Variants in LDOC1 observed in about 807,000 individuals in gnomAD.
LDOC1 encodes LDOC1 regulator of NFKB signaling, also known as protein LDOC1.
In LDOC1, 1 loss-of-function variant was observed where a neutral mutation model predicts 4.9. The observed-to-expected ratio is 0.20, with a 90% CI of 0.07 to 0.96. LDOC1 has a LOEUF of 0.96. Among genes scored for constraint, LDOC1 ranks in the 40% least tolerant of loss-of-function variants. The probability of loss-of-function intolerance (pLI) is 0.62; values close to 1 mark genes in which losing one functional copy is unlikely to be tolerated. For missense variants in LDOC1, 76 were observed against 128.1 expected (o/e 0.59, Z 1.96); for synonymous variants, 55 against 58.3 (o/e 0.94, Z 0.26).
At position 141,173,797 on chromosome X, in the gene LDOC1, C is replaced by T. The variant is rs1279302798; in HGVS notation, c.*2784G>A. Among the ~76,000 whole-genome samples, 2 of 111,907 alleles carry T rather than the reference C, an allele frequency of 1.8e-5. No homozygotes were observed. Among genetic ancestry groups the T allele is most frequent in the Non-Finnish European group, 3.8e-5 (2 of 53,210 alleles). ...ACTGAACCTCCCTTCCTCCACAGAA[C>T]ACCTACTCATATGTCCTCAACTTCC... On this transcript the variant is annotated 3_prime_UTR_variant, in exon 1 of 1. Transcript: ENST00000370526.
Position 141,173,769 on chromosome X carries a change from C to G in LDOC1, c.*2812G>C, listed in dbSNP as rs2013591789. On this transcript the variant is annotated 3_prime_UTR_variant, in exon 1 of 1. Coordinates refer to ENST00000370526, the MANE Select transcript of LDOC1 (RefSeq NM_012317.4). ...TCAGATGCTGCCTTGGCATGGCATC[C>G]TTACTGAACCTCCCTTCCTCCACAG... is the stretch of plus-strand genomic sequence containing the variant. Among the ~76,000 whole-genome samples the G allele has an allele frequency of 8.9e-6, 1 of 111,920 alleles. No individual in the cohort carries two copies. Among genetic ancestry groups the G allele is most frequent in the African/African-American group, 3.2e-5 (1 of 30,785 alleles).
chrX:141,176,803 A>G lies in LDOC1; in HGVS notation c.219T>C (p.Ser73=). The G allele has an allele frequency of 8.3e-7, 1 of 1,211,905 alleles. No homozygotes were observed. Among genetic ancestry groups the G allele is most frequent in the Non-Finnish European group, 1.1e-6 (1 of 895,523 alleles). The change falls in exon 1 of 1, where the codon TCT becomes TCC. Residue 73 remains serine (S), a synonymous_variant. Transcript: ENST00000370526. ...RLPEFIVQTA[S]YMLVNENRFC... is the part of the protein sequence containing the mutation. ...ATCGGTTCTCGTTCACGAGCATGTA[A>G]GACGCCGTCTGCACGATAAACTCGG...
rs1465284547 is a variant in LDOC1 at position 141,174,218 on chromosome X, T to C, written c.*2363A>G. Among the ~76,000 whole-genome samples, 1 of 111,477 alleles carries C rather than the reference T, an allele frequency of 9.0e-6. No homozygotes were observed. The highest frequency in any genetic ancestry group is 1.9e-5 in the Non-Finnish European group (1 of 53,142). On this transcript the variant is annotated 3_prime_UTR_variant, in exon 1 of 1. Transcript: ENST00000370526. ...CAAGGAGACTGGGAGAAGTGATCAA[T>C]GAATTCTAAATAACCAGCTGTCTCC...
rs2013591020 is a variant in LDOC1, at chrX:141,173,636, G to A, written c.*2945C>T. 1 of 111,754 alleles carries A rather than the reference G, an allele frequency of 8.9e-6. No individual in the cohort carries two copies. The highest frequency in any genetic ancestry group is 1.9e-5 in the Non-Finnish European group (1 of 53,217). The allele number at this position is 111,754 out of a possible 1,213,427, so 9.2% of individuals were successfully genotyped here. On this transcript the variant is annotated 3_prime_UTR_variant, in exon 1 of 1. Transcript: ENST00000370526. ...ATCACTTAACACACACACACACAGA[G>A]CACACACATACTGGGTCACAGCAAG...
rs2013591333 is a variant in LDOC1, at chrX:141,173,680, C to T, written c.*2901G>A. On this transcript the variant is annotated 3_prime_UTR_variant, in exon 1 of 1. Transcript: ENST00000370526. ...CAGCAAGCTCATGTGCACATGCACA[C>T]ATACTCAGGAAATGTACACTTCAGA... The T allele has an allele frequency of 8.9e-6, 1 of 112,416 alleles. No homozygotes were observed. Among genetic ancestry groups the T allele is most frequent in the Admixed American group, 9.4e-5 (1 of 10,644 alleles). The allele number at this position is 112,416 out of a possible 1,213,427, so 9.3% of individuals were successfully genotyped here.
Position 141,174,795 on chromosome X carries a change from T to C in LDOC1, c.*1786A>G, listed in dbSNP as rs1890424579. 8.9e-6 allele frequency among the ~76,000 whole-genome samples: 1 copy of C among 112,256 alleles called. No individual in the cohort carries two copies. The highest frequency in any genetic ancestry group is 3.7e-4 in the South Asian group (1 of 2,717). On this transcript the variant is annotated 3_prime_UTR_variant, in exon 1 of 1. Transcript: ENST00000370526. ...ACAGTACGGAAATGTGTTATCTAAA[T>C]TAATTAAAGGTTATAAAGTCAAGTT...
rs376044289 is a variant in LDOC1 at position 141,173,743 on chromosome X, T to C, written c.*2838A>G. 5.3e-4 allele frequency among the ~76,000 whole-genome samples: 59 copies of C among 112,204 alleles called. No individual in the cohort carries two copies. The highest frequency in any genetic ancestry group is 9.3e-3 in the Middle Eastern group (2 of 215). On this transcript the variant is annotated 3_prime_UTR_variant, in exon 1 of 1. Coordinates refer to ENST00000370526, the MANE Select transcript of LDOC1 (RefSeq NM_012317.4). ...CCTGGCCTAGTTCTCCCAGATGCCA[T>C]TCAGATGCTGCCTTGGCATGGCATC...
Position 141,174,362 on chromosome X carries a change from T to A in LDOC1, c.*2219A>T, listed in dbSNP as rs782650883. ...TGTCCCCACCCTCCAGAAACAGCTATCCTAGGGGTGAGATATAACTCCTAC... is the reference window on the plus strand; with the variant it reads ...TGTCCCCACCCTCCAGAAACAGCTAACCTAGGGGTGAGATATAACTCCTAC... On this transcript the variant is annotated 3_prime_UTR_variant, in exon 1 of 1. Coordinates refer to ENST00000370526, the MANE Select transcript of LDOC1 (RefSeq NM_012317.4). 6.0e-4 allele frequency among the ~76,000 whole-genome samples: 67 copies of A among 111,412 alleles called. 1 individual carries two copies. The South Asian group carries it at 0.025, about 42-fold the overall frequency.
In LDOC1 at chrX:141,175,062, C is replaced by T. The variant is rs1335047938; in HGVS notation, c.*1519G>A. Among the ~76,000 whole-genome samples the T allele has an allele frequency of 1.8e-5, 2 of 111,598 alleles. No individual in the cohort carries two copies. Among genetic ancestry groups the T allele is most frequent in the Non-Finnish European group, 3.8e-5 (2 of 53,122 alleles). The stretch of plus-strand genomic sequence containing the variant: ...CAGGCCCAGAGATCTCAGCATAGCC[C>T]CTAGATAGCAGTACAAGGTCTGATT... On this transcript the variant is annotated 3_prime_UTR_variant, in exon 1 of 1. Coordinates refer to ENST00000370526, the MANE Select transcript of LDOC1 (RefSeq NM_012317.4).
Position 141,177,088 on chromosome X carries a change from G to A in LDOC1, c.-67C>T, listed in dbSNP as rs1431001493. Reference sequence around the variant, plus strand: ...CGGCCAAGGTGCGCACGGAGCCCTCGCAGGAAGTGCGTGTCCACGGAGGCG... The same window carrying A: ...CGGCCAAGGTGCGCACGGAGCCCTCACAGGAAGTGCGTGTCCACGGAGGCG... On this transcript the variant is annotated 5_prime_UTR_variant, in exon 1 of 1. Transcript: ENST00000370526. The A allele has an allele frequency of 2.1e-6, 2 of 954,536 alleles. No individual in the cohort carries two copies. The highest frequency in any genetic ancestry group is 1.4e-6 in the Non-Finnish European group (1 of 740,728). The allele number at this position is 954,536 out of a possible 1,213,427, so 78.7% of individuals were successfully genotyped here.
chrX:141,176,884 C>T lies in LDOC1; in HGVS notation c.138G>A (p.Pro46=), dbSNP rs782213501. Residue 46 remains proline (P), a synonymous_variant, in exon 1 of 1, where the codon CCG becomes CCA. Coordinates refer to ENST00000370526, the MANE Select transcript of LDOC1 (RefSeq NM_012317.4). ...CGGGGAAGGGCACCGGGCAGCTCGG[C>T]GGACGTACCTGGCGCAGCAGGCTGG... is the stretch of plus-strand genomic sequence containing the variant. The part of the protein sequence containing the change: ...ERASLLRQVR[P]PSCPVPFPET... The T allele has an allele frequency of 9.0e-5, 109 of 1,210,380 alleles. No homozygotes were observed. In the South Asian group the frequency reaches 1.9e-3, roughly 21 times the overall value.
Position 141,176,464 on chromosome X carries a change from G to T in LDOC1, c.*117C>A, listed in dbSNP as rs1569412293. 2 of 909,327 alleles carry T rather than the reference G, an allele frequency of 2.2e-6. No individual in the cohort carries two copies. Among genetic ancestry groups the T allele is most frequent in the Non-Finnish European group, 3.0e-6 (2 of 671,765 alleles). 74.9% of individuals were successfully genotyped at this position (909,327 alleles called of 1,213,427 possible). On this transcript the variant is annotated 3_prime_UTR_variant, in exon 1 of 1. Coordinates refer to ENST00000370526, the MANE Select transcript of LDOC1 (RefSeq NM_012317.4). ...GAAGAGAGAGAGCAGACGGGCGCGG[G>T]TAGGTAAGGGGACCGGAGGGCAAGG...
Position 141,176,547 on chromosome X carries a change from G to A in LDOC1, c.*34C>T, listed in dbSNP as rs369862582. On this transcript the variant is annotated 3_prime_UTR_variant, in exon 1 of 1. Coordinates refer to ENST00000370526, the MANE Select transcript of LDOC1 (RefSeq NM_012317.4). ...TGCGGGGAGGGGGTGGCGGCGTGCAGGGCCCTCCCCCCCGAGGCCCGAGGG... is the reference window on the plus strand; with the variant it reads ...TGCGGGGAGGGGGTGGCGGCGTGCAAGGCCCTCCCCCCCGAGGCCCGAGGG... 4.4e-5 allele frequency: 51 copies of A among 1,171,256 alleles called. No individual in the cohort carries two copies. In the African/African-American group the frequency reaches 8.7e-4, roughly 20 times the overall value.
Position 141,177,112 on chromosome X carries a change from C to T in LDOC1, c.-91G>A. Reference sequence around the variant, plus strand: ...CGCAGGAAGTGCGTGTCCACGGAGGCGCTTGGTGGCCAGGGGCGGGGGGCG... The same window carrying T: ...CGCAGGAAGTGCGTGTCCACGGAGGTGCTTGGTGGCCAGGGGCGGGGGGCG... On this transcript the variant is annotated 5_prime_UTR_variant, in exon 1 of 1. Transcript: ENST00000370526. 2 of 931,212 alleles carry T rather than the reference C, an allele frequency of 2.1e-6. No individual in the cohort carries two copies. Among genetic ancestry groups the T allele is most frequent in the Non-Finnish European group, 2.7e-6 (2 of 728,880 alleles). The allele number at this position is 931,212 out of a possible 1,213,427, so 76.7% of individuals were successfully genotyped here. A position where few individuals can be genotyped will look rare whatever the true frequency, so the allele number is the denominator to read the frequency against.
rs782458774 is a variant in LDOC1 at position 141,176,602 on chromosome X, TTCG to T, written c.417_419del (p.Asp139del). ...GGGCCTAATAATCATCCTCCTCTTCTTCGTCGTCGTCGTCTTCGTCGTCATCCC... is the reference window on the plus strand; with the variant it reads ...GGGCCTAATAATCATCCTCCTCTTCTTCGTCGTCGTCTTCGTCGTCATCCC... On this transcript the variant is annotated inframe_deletion, in exon 1 of 1. Coordinates refer to ENST00000370526, the MANE Select transcript of LDOC1 (RefSeq NM_012317.4). 3 of 1,210,028 alleles carry T rather than the reference TTCG, an allele frequency of 2.5e-6. No homozygotes were observed. Among genetic ancestry groups the T allele is most frequent in the Non-Finnish European group, 3.4e-6 (3 of 894,300 alleles).
chrX:141,176,220 A>G lies in LDOC1; in HGVS notation c.*361T>C. 8.3e-6 allele frequency: 2 copies of G among 240,730 alleles called. No individual in the cohort carries two copies. Among genetic ancestry groups the G allele is most frequent in the South Asian group, 2.0e-4 (2 of 10,153 alleles). 19.8% of individuals were successfully genotyped at this position (240,730 alleles called of 1,213,427 possible). A position where few individuals can be genotyped will look rare whatever the true frequency, so the allele number is the denominator to read the frequency against. On this transcript the variant is annotated 3_prime_UTR_variant, in exon 1 of 1. Transcript: ENST00000370526. ...TAAGCCTGGCAGCAGGGCAGGTGGC[A>G]GCAGCAGGGCTACGGGTGGTCTGCG...
chrX:141,176,558 C>G lies in LDOC1; in HGVS notation c.*23G>C, dbSNP rs782138261. 5.1e-6 allele frequency: 6 copies of G among 1,180,127 alleles called. No individual in the cohort carries two copies. The highest frequency in any genetic ancestry group is 1.9e-5 in the South Asian group (1 of 53,886). On this transcript the variant is annotated 3_prime_UTR_variant, in exon 1 of 1. Transcript: ENST00000370526. ...GGTGGCGGCGTGCAGGGCCCTCCCC[C>G]CCGAGGCCCGAGGGTCGAGGGCCTA...
chrX:141,176,444 G>C lies in LDOC1; in HGVS notation c.*137C>G. On this transcript the variant is annotated 3_prime_UTR_variant, in exon 1 of 1. Coordinates refer to ENST00000370526, the MANE Select transcript of LDOC1 (RefSeq NM_012317.4). ...GACAAGCACTACGGAGAAATGAAGA[G>C]AGAGAGCAGACGGGCGCGGGTAGGT... 1 of 749,709 alleles carries C rather than the reference G, an allele frequency of 1.3e-6. No individual in the cohort carries two copies. Among genetic ancestry groups the C allele is most frequent in the East Asian group, 3.5e-5 (1 of 28,595 alleles). 61.8% of individuals were successfully genotyped at this position (749,709 alleles called of 1,213,427 possible).
chrX:141,176,381 C>T lies in LDOC1; in HGVS notation c.*200G>A, dbSNP rs181441927. The stretch of plus-strand genomic sequence containing the variant: ...AGTGAGTGAGGCTCCAGCCCCGACC[C>T]CAGCAGCAGGTAACTGGAGCGCTAT... On this transcript the variant is annotated 3_prime_UTR_variant, in exon 1 of 1. Transcript: ENST00000370526. 54 of 519,343 alleles carry T rather than the reference C, an allele frequency of 1.0e-4. No homozygotes were observed. In the African/African-American group the frequency reaches 1.1e-3, roughly 11 times the overall value. 42.8% of individuals were successfully genotyped at this position (519,343 alleles called of 1,213,427 possible). A position where few individuals can be genotyped will look rare whatever the true frequency, so the allele number is the denominator to read the frequency against.
Sources: allele counts gnomAD v4.1 joint callset (sites outside exome capture counted in the v4.1 genomes callset), GRCh38; gene constraint gnomAD v4.1.1; transcripts MANE v1.5; gene names NCBI Gene and HGNC (gene_info 2026-07-23, HGNC 2026-07-21).